The following EPM2A variants were observed in gnomAD, a reference collection of about 807,000 sequenced individuals.
EPM2A encodes EPM2A glucan phosphatase, laforin.
EPM2A carries 21 observed loss-of-function variants against 26.5 expected under a neutral mutation model. That is an observed-to-expected ratio of 0.79 (90% CI 0.56 to 1.14). EPM2A has a LOEUF of 1.14. EPM2A is among the 50% of genes most tolerant of loss of function. The probability of loss-of-function intolerance (pLI) is 0.00; values close to 1 mark genes in which losing one functional copy is unlikely to be tolerated. For synonymous variants in EPM2A, 217 were observed against 177.6 expected (o/e 1.22, Z -1.76); for missense variants, 458 against 440.8 (o/e 1.04, Z -0.35).
downstream of EPM2A, among the ~76,000 whole-genome samples, chr6:145,621,599 A>G (rs1410263999): frequency 6.7e-6 from 1 of 149,500 alleles, no homozygotes; most frequent in African/African-American, 2.5e-5. Flanking sequence ...CCTTGCCAAC[A>G]TTTACTATCT....
Position 145,686,233 on chromosome 6 carries a change from T to TAC in EPM2A, c.363_364dup (p.Tyr122CysfsTer6), listed in dbSNP as rs1780901751. The TAC allele has an allele frequency of 1.2e-6, 2 of 1,613,768 alleles. No homozygotes were observed. The highest frequency in any genetic ancestry group is 1.7e-6 in the Non-Finnish European group (2 of 1,179,714). On this transcript the variant is annotated frameshift_variant, in exon 2 of 4. Transcript: ENST00000367519. LOFTEE classifies it high-confidence loss of function. ...AATCCAGTGTCCTATTGGGAGACAA[T>TAC]ACACACCATCCACCAAGTTGTTTTC... is the stretch of plus-strand genomic sequence containing the variant.
intron 2 of EPM2A, among the ~76,000 whole-genome samples, chr6:145,565,095 C>A (rs1780865270): frequency 6.6e-6 from 1 of 152,160 alleles, no homozygotes; most frequent in African/African-American, 2.4e-5. Flanking sequence ...ATTTTGACTT[C>A]TCTGTTTGTC....
At chr6:145,534,918 G>C (rs74993777) in intron 2 of EPM2A, among the ~76,000 whole-genome samples, 1 of 152,150 alleles carries the variant, frequency 6.6e-6, no homozygotes, top group Non-Finnish European at 1.5e-5. Flanking sequence ...TCTAGGTCCA[G>C]TGTACTTTAG....
At chr6:145,730,786 G>C (rs1398475861) in intron 1 of EPM2A, among the ~76,000 whole-genome samples, 2 of 152,206 alleles carry the variant, frequency 1.3e-5, no homozygotes, top group African/African-American at 4.8e-5. Context: ...TAAGAAAAAG[G>C]AACAGATGTT....
In EPM2A at chr6:145,625,934, G is replaced by C; in HGVS notation, c.*1482C>G. ...GTTTAATTAGGAAAGTAAGGGCTTTGAATCAAACCCAGCTTTGTATCTCAC... is the reference window on the plus strand; with the variant it reads ...GTTTAATTAGGAAAGTAAGGGCTTTCAATCAAACCCAGCTTTGTATCTCAC... On this transcript the variant is annotated 3_prime_UTR_variant, in exon 4 of 4. Coordinates refer to ENST00000367519, the MANE Select transcript of EPM2A (RefSeq NM_005670.4). The C allele has an allele frequency of 7.4e-7, 1 of 1,345,968 alleles. No homozygotes were observed. The allele number at this position is 1,345,968 out of a possible 1,614,324, so 83.4% of individuals were successfully genotyped here. A position where few individuals can be genotyped will look rare whatever the true frequency, so the allele number is the denominator to read the frequency against.
chr6:145,677,757 C>T (rs1780174017), intron 2 of EPM2A, among the ~76,000 whole-genome samples: 1 of 152,082 alleles, frequency 6.6e-6, no homozygotes, highest in Non-Finnish European at 1.5e-5. Flanking sequence ...AACTACAAAC[C>T]ACTGCTCAAC....
At chr6:145,634,096 CG>C (rs1776467446) in intron 3 of EPM2A, among the ~76,000 whole-genome samples, 1 of 152,100 alleles carries the variant, frequency 6.6e-6, no homozygotes, top group South Asian at 2.1e-4. Context: ...AAGATAGAAA[CG>C]TCTCTGAGCT....
At chr6:145,507,009 C>T (rs1397729383) in intron 2 of EPM2A, among the ~76,000 whole-genome samples, 1 of 152,166 alleles carries the variant, frequency 6.6e-6, no homozygotes, top group Non-Finnish European at 1.5e-5. Context: ...GTTAAATATA[C>T]AGACATTTTC....
intron 2 of EPM2A, among the ~76,000 whole-genome samples, chr6:145,662,526 G>A (rs1282577790): frequency 6.6e-6 from 1 of 152,184 alleles, no homozygotes; most frequent in Non-Finnish European, 1.5e-5. Context: ...GATAGGTACA[G>A]AGGCTAAAAC....
chr6:145,455,465 C>T (rs994677484), intron 4 of EPM2A, among the ~76,000 whole-genome samples: 1 of 152,136 alleles, frequency 6.6e-6, no homozygotes. Flanking sequence ...TCAAGTGATT[C>T]TCTTGCCTCA....
intron 4 of EPM2A, among the ~76,000 whole-genome samples, chr6:145,491,467 G>A (rs377053377): frequency 2.1e-4 from 32 of 152,240 alleles, no homozygotes; most frequent in East Asian, 1.5e-3. Flanking sequence ...CCATCAAGCC[G>A]TCCCTTTGAA....
chr6:145,580,301 T>C (rs554107366), intron 2 of EPM2A, among the ~76,000 whole-genome samples: 2 of 152,288 alleles, frequency 1.3e-5, no homozygotes, highest in African/African-American at 4.8e-5. Flanking sequence ...TTATGATTTA[T>C]TAAATGATTA....
In EPM2A at chr6:145,554,879, G is replaced by A. The variant is rs183775634; in HGVS notation, c.341-52304C>T. On this transcript the variant is annotated intron_variant, in intron 2 of 3. Coordinates refer to the EPM2A transcript ENST00000450221. Reference sequence around the variant, plus strand: ...ATTTAAATTCTGTTGGAAACTGATTGTGCAGTTTGGGTTCCAAAGGCAGTC... The same window carrying A: ...ATTTAAATTCTGTTGGAAACTGATTATGCAGTTTGGGTTCCAAAGGCAGTC... Among the ~76,000 whole-genome samples, 21 of 152,198 alleles carry A rather than the reference G, an allele frequency of 1.4e-4. No individual in the cohort carries two copies. In the East Asian group the frequency reaches 1.9e-3, roughly 14 times the overall value.
chr6:145,681,194 T>G (rs1419195539), intron 2 of EPM2A, among the ~76,000 whole-genome samples: 2 of 149,916 alleles, frequency 1.3e-5, no homozygotes, highest in African/African-American at 4.9e-5. Context: ...TGTCTTCTTT[T>G]GAGAAGTGTC....
chr6:145,683,701 C>T (rs970791572), intron 2 of EPM2A, among the ~76,000 whole-genome samples: 1 of 152,066 alleles, frequency 6.6e-6, no homozygotes, highest in African/African-American at 2.4e-5. Context: ...CCACAACAGA[C>T]CCTGCCTGTC....
rs144321367 is a variant in EPM2A, at chr6:145,723,539, C to G, written c.301+11659G>C. Among the ~76,000 whole-genome samples the G allele has an allele frequency of 2.7e-3, 412 of 152,166 alleles. 5 individuals are homozygous for G. The highest frequency in any genetic ancestry group is 9.5e-3 in the African/African-American group (393 of 41,516). On this transcript the variant is annotated intron_variant, in intron 1 of 3. Coordinates refer to ENST00000367519, the MANE Select transcript of EPM2A (RefSeq NM_005670.4). ...AATTTAAGAATATGCTGGACAAATA[C>G]CTGCCTGCAAAATTTTTTAAAATCA...
At chr6:145,654,667 T>C (rs1778134035) in intron 2 of EPM2A, among the ~76,000 whole-genome samples, 1 of 152,198 alleles carries the variant, frequency 6.6e-6, no homozygotes, top group Admixed American at 6.6e-5. Flanking sequence ...AAGTAATCTG[T>C]TCATTGATAT....
chr6:145,645,054 T>C (rs1418484485), intron 2 of EPM2A, among the ~76,000 whole-genome samples: 1 of 152,230 alleles, frequency 6.6e-6, no homozygotes, highest in Non-Finnish European at 1.5e-5. Context: ...CAAACAACTC[T>C]AATCGTCATG....
At chr6:145,426,022 C>T (rs1212862838) in intron 4 of EPM2A, among the ~76,000 whole-genome samples, 1 of 152,172 alleles carries the variant, frequency 6.6e-6, no homozygotes, top group South Asian at 2.1e-4. Flanking sequence ...AATCTTTATA[C>T]AATTTTTAAA....
Sources: gnomAD v4.1 joint callset for allele counts (sites outside exome capture counted in the v4.1 genomes callset) on GRCh38, gnomAD v4.1.1 for gene constraint, MANE v1.5 for transcripts, NCBI Gene and HGNC (gene_info 2026-07-23, HGNC 2026-07-21) for gene names.